CAPN1: variants seen among roughly 807,000 people sequenced by gnomAD.
The protein encoded by CAPN1 is calpain-1 catalytic subunit.
Under a neutral mutation model 105.2 loss-of-function variants are expected in CAPN1, and 77 were observed. The observed-to-expected ratio is 0.73, with a 90% CI of 0.61 to 0.88. The LOEUF (loss-of-function observed/expected upper bound fraction) is 0.88, where lower values mean the gene tolerates loss of function less well. CAPN1 is among the 40% of genes least tolerant of loss of function. CAPN1 has a pLI of 0.00. For missense variants in CAPN1, 833 were observed against 976.6 expected, an observed-to-expected ratio of 0.85 and a Z score of 1.96; for synonymous variants, 355 against 388.8, an observed-to-expected ratio of 0.91 and a Z score of 1.02.
Position 65,208,246 on chromosome 11 carries a change from T to G in CAPN1, c.1713T>G (p.Asn571Lys). The change falls in exon 16 of 22, where the codon AAT becomes AAG. Residue 571 changes from asparagine to lysine, a missense_variant. By Grantham distance (94) the Asn-to-Lys change is moderately conservative. Coordinates refer to ENST00000279247, the MANE Select transcript of CAPN1 (RefSeq NM_005186.4). This position sits in a 1 kb window ranked among gnomAD's most constrained non-coding sequence, Gnocchi z 4.1. ...TGAAGGAGTTGCGGACAATCCTCAA[T>G]AGGATCATCAGCAAACGTGAGTCCC... The part of the protein sequence containing the change: ...ISVKELRTIL[N>K]RIISKHKDLR... The G allele has an allele frequency of 6.4e-7, 1 of 1,569,242 alleles. No individual in the cohort carries two copies. The highest frequency in any genetic ancestry group is 8.6e-7 in the Non-Finnish European group (1 of 1,156,992).
rs17884545 is a variant in CAPN1 at position 65,202,544 on chromosome 11, G to A, written c.1166-2139G>A. 3.5e-3 allele frequency among the ~76,000 whole-genome samples: 537 copies of A among 152,082 alleles called. 1 individual carries two copies. The highest frequency in any genetic ancestry group is 0.011 in the African/African-American group (461 of 41,484). On this transcript the variant is annotated intron_variant, in intron 10 of 21. Transcript: ENST00000279247. Reference sequence around the variant, plus strand: ...TGCAACCTCTGTCTCCTGGGTTCACGCAATTCTCCTACCTCAGCCTTCCAG... The same window carrying A: ...TGCAACCTCTGTCTCCTGGGTTCACACAATTCTCCTACCTCAGCCTTCCAG...
At chr11:65,192,314 G>A (rs974963731) in intron 10 of CAPN1, among the ~76,000 whole-genome samples, 2 of 152,172 alleles carry the variant, frequency 1.3e-5, no homozygotes, top group Non-Finnish European at 2.9e-5. Context: ...AAAACAACAT[G>A]GTCACGAGTG....
chr11:65,207,362 G>T (rs560090639), intron 14 of CAPN1, among the ~76,000 whole-genome samples: 1 of 151,768 alleles, frequency 6.6e-6, no homozygotes, highest in Non-Finnish European at 1.5e-5. Context: ...ACCACACCTG[G>T]CTAATTTTTG....
chr11:65,198,873 C>T (rs544321938), intron 10 of CAPN1, among the ~76,000 whole-genome samples: 2 of 152,062 alleles, frequency 1.3e-5, no homozygotes, highest in South Asian at 2.1e-4. Flanking sequence ...CGCGCTCTGT[C>T]GCCCAGGCTG....
At chr11:65,183,629 T>C in intron 4 of CAPN1, 37 bp downstream of exon 4, 3 of 1,408,992 alleles carry the variant, frequency 2.1e-6, no homozygotes, top group Non-Finnish European at 3.0e-6. Context: ...CAGCAGGCAC[T>C]GGGGGAGATG....
chr11:65,186,923 C>T (rs1201593846), intron 6 of CAPN1, among the ~76,000 whole-genome samples: 1 of 152,192 alleles, frequency 6.6e-6, no homozygotes, highest in Non-Finnish European at 1.5e-5. Context: ...TGTGTGTGTG[C>T]ACATGCATGT....
At chr11:65,205,187 G>A (rs1948937639) in intron 11 of CAPN1, among the ~76,000 whole-genome samples, 1 of 152,204 alleles carries the variant, frequency 6.6e-6, no homozygotes, top group Non-Finnish European at 1.5e-5. Flanking sequence ...CCTCCGTCTT[G>A]GAAGCTGTGA....
chr11:65,181,605 T>C (rs750429323), upstream of CAPN1: 30 of 411,018 alleles, frequency 7.3e-5, no homozygotes, highest in East Asian at 2.1e-3. The surrounding 1 kb of genome is among the most constrained non-coding windows in gnomAD (Gnocchi z 4.6). Flanking sequence ...CTGCCCCTGG[T>C]TAAAAATACC....
rs1392651030 is a variant in CAPN1, at chr11:65,182,892, T to G, written c.191T>G (p.Val64Gly). Residue 64 changes from valine (V) to glycine (G), a missense_variant, in exon 2 of 22, where the codon GTA becomes GGA. Coordinates refer to ENST00000279247, the MANE Select transcript of CAPN1 (RefSeq NM_005186.4). The stretch of plus-strand genomic sequence containing the variant: ...TTCCGTGATGAGGCCTTCCCCCCGG[T>G]ACCCCAGAGCCTGGGTTACAAGGAC... ...TLFRDEAFPP[V>G]PQSLGYKDLG... The G allele has an allele frequency of 6.2e-7, 1 of 1,607,332 alleles. No individual in the cohort carries two copies.
chr11:65,210,811 C>T lies in CAPN1; in HGVS notation c.2060-3C>T. On this transcript the variant is annotated splice_region_variant and splice_polypyrimidine_tract_variant and intron_variant, in intron 20 of 21. Transcript: ENST00000279247. This position sits in a 1 kb window ranked among gnomAD's most constrained non-coding sequence, Gnocchi z 4.3. Reference sequence around the variant, plus strand: ...CCTGTATCACCTTTTCTTGAACACACAGGATTTTTCAAAACTCTGGACACA... The same window carrying T: ...CCTGTATCACCTTTTCTTGAACACATAGGATTTTTCAAAACTCTGGACACA... 6.2e-7 allele frequency: 1 copy of T among 1,613,246 alleles called. No homozygotes were observed. Among genetic ancestry groups the T allele is most frequent in the Non-Finnish European group, 8.5e-7 (1 of 1,179,262 alleles).
At chr11:65,200,864 C>T (rs1279258846) in intron 10 of CAPN1, among the ~76,000 whole-genome samples, 1 of 148,938 alleles carries the variant, frequency 6.7e-6, no homozygotes, top group East Asian at 2.0e-4. Flanking sequence ...AACTCCTGGG[C>T]TCAAGTGATC....
Position 65,210,193 on chromosome 11 carries a change from C to A in CAPN1, c.1942+97C>A. On this transcript the variant is annotated intron_variant, in intron 19 of 21. Coordinates refer to ENST00000279247, the MANE Select transcript of CAPN1 (RefSeq NM_005186.4). The surrounding 1 kb of genome is among the most constrained non-coding windows in gnomAD (Gnocchi z 4.3). ...CTTGTCCCTGGGGTGCTAGTGGTGA[C>A]ATGGTAACAGCCATCTTGTCCTTTT... 8.4e-7 allele frequency: 1 copy of A among 1,188,930 alleles called. No individual in the cohort carries two copies. Among genetic ancestry groups the A allele is most frequent in the Non-Finnish European group, 1.2e-6 (1 of 800,276 alleles). The allele number at this position is 1,188,930 out of a possible 1,614,324, so 73.6% of individuals were successfully genotyped here.
chr11:65,185,958 C>T lies in CAPN1; in HGVS notation c.498C>T (p.Asp166=). 6.3e-7 allele frequency: 1 copy of T among 1,596,400 alleles called. No individual in the cohort carries two copies. Among genetic ancestry groups the T allele is most frequent in the Non-Finnish European group, 8.5e-7 (1 of 1,171,462 alleles). Reference sequence around the variant, plus strand: ...AGTGGGTGGACGTGGTCGTGGATGACCTGCTGCCCATCAAGGACGGGAAGC... The same window carrying T: ...AGTGGGTGGACGTGGTCGTGGATGATCTGCTGCCCATCAAGGACGGGAAGC... ...FGEWVDVVVD[D]LLPIKDGKLV... The change falls in exon 5 of 22, where the codon GAC becomes GAT. Residue 166 remains aspartate, a synonymous_variant. Transcript: ENST00000279247.
rs766046639 is a variant in CAPN1, at chr11:65,186,351, G to A, written c.759+13G>A. The A allele has an allele frequency of 1.9e-5, 31 of 1,601,808 alleles. No homozygotes were observed. The African/African-American group carries it at 2.5e-4, about 13-fold the overall frequency. On this transcript the variant is annotated intron_variant, in intron 6 of 21. Transcript: ENST00000279247. ...CTGCTCCATAGACGTGAGTGTGCCC[G>A]GCCCCGATGCTTTGGTACCCTGGAA...
chr11:65,191,984 T>A (rs576214171), intron 10 of CAPN1, among the ~76,000 whole-genome samples: 2 of 152,350 alleles, frequency 1.3e-5, no homozygotes, highest in East Asian at 3.9e-4. Flanking sequence ...TATATTATGA[T>A]GATAGTATGC....
rs181182574 is a variant in CAPN1, at chr11:65,203,958, G to A, written c.1166-725G>A. ...TTAAAAATAAGTTTTGCAGTTTACC[G>A]TTCTATCCCGCACTGGGTTGTTTTA... On this transcript the variant is annotated intron_variant, in intron 10 of 21. Transcript: ENST00000279247. Among the ~76,000 whole-genome samples the A allele has an allele frequency of 2.6e-5, 4 of 152,198 alleles. No homozygotes were observed. In the East Asian group the frequency reaches 7.7e-4, roughly 29 times the overall value.
In CAPN1 at chr11:65,188,746, G is replaced by T. The variant is rs1948678853; in HGVS notation, c.1165G>T (p.Ala389Ser). ...STAGGCRNYPATFWVNPQFKI... is the reference protein window; with the variant it reads ...STAGGCRNYPSTFWVNPQFKI... ...CGCGGGGGGCTGCCGAAACTACCCA[G>T]GTGCACAGGGGCGGGCTCTGGGTCT... The change falls in exon 10 of 22, where the codon GCC (alanine) becomes TCC (serine). Residue 389 changes from alanine to serine, a missense_variant and splice_region_variant. By Grantham distance (99) the Ala-to-Ser change is moderately conservative (BLOSUM62 1). Coordinates refer to ENST00000279247, the MANE Select transcript of CAPN1 (RefSeq NM_005186.4). The surrounding 1 kb of genome is among the most constrained non-coding windows in gnomAD (Gnocchi z 5.5). 1 of 1,558,434 alleles carries T rather than the reference G, an allele frequency of 6.4e-7. No individual in the cohort carries two copies. The highest frequency in any genetic ancestry group is 8.7e-7 in the Non-Finnish European group (1 of 1,151,248).
intron 10 of CAPN1, among the ~76,000 whole-genome samples, chr11:65,196,909 T>C (rs1398108061): frequency 6.6e-6 from 1 of 152,194 alleles, no homozygotes; most frequent in African/African-American, 2.4e-5. Flanking sequence ...GCTAACAAAT[T>C]GTGACTGTAG....
chr11:65,205,620 C>T, intron 11 of CAPN1, 90 bp from the exon 12 acceptor site: 1 of 1,316,036 alleles, frequency 7.6e-7, no homozygotes, highest in Non-Finnish European at 1.1e-6. Context: ...TCAGTCCCGT[C>T]TAAGAACTCA....
Sources: allele counts gnomAD v4.1 joint callset (sites outside exome capture counted in the v4.1 genomes callset), GRCh38; gene constraint gnomAD v4.1.1; non-coding constraint Gnocchi (gnomAD v3.1); transcripts MANE v1.5; gene names NCBI Gene and HGNC (gene_info 2026-07-23, HGNC 2026-07-21).